The following DIP2C variants were observed in gnomAD, a reference collection of about 807,000 sequenced individuals.
DIP2C encodes disco-interacting protein 2 homolog C.
Under a neutral mutation model 192.4 loss-of-function variants are expected in DIP2C, and 33 were observed. The observed-to-expected ratio is 0.17, with a 90% CI of 0.13 to 0.23. DIP2C has a LOEUF of 0.23. Among genes scored for constraint, DIP2C ranks in the 10% least tolerant of loss-of-function variants. The pLI is 1.00. For synonymous variants in DIP2C, 979 were observed against 864.1 expected, an observed-to-expected ratio of 1.13 and a Z score of -2.33; for missense variants, 1,537 against 2,110.1, an observed-to-expected ratio of 0.73 and a Z score of 5.32.
intron 1 of DIP2C, among the ~76,000 whole-genome samples, chr10:570,369 T>C (rs4881486): frequency 0.043 from 6,511 of 152,278 alleles, 208 homozygotes; most frequent in Non-Finnish European, 0.066. Flanking sequence ...CACAAAGGCC[T>C]GGGCATGACC....
At chr10:353,484 G>C (rs1958921633) in intron 24 of DIP2C, among the ~76,000 whole-genome samples, 1 of 151,976 alleles carries the variant, frequency 6.6e-6, no homozygotes, top group Non-Finnish European at 1.5e-5. Context: ...TGCTTCCCGG[G>C]TTCAAGCGAC....
intron 1 of DIP2C, among the ~76,000 whole-genome samples, chr10:647,700 C>T (rs1246949902): frequency 6.7e-6 from 1 of 149,274 alleles, no homozygotes; most frequent in African/African-American, 2.5e-5. Context: ...AAACTGAGCC[C>T]ACGTCCACAC....
Position 534,665 on chromosome 10 carries a change from A to T in DIP2C, c.86-48135T>A, listed in dbSNP as rs908898430. Among the ~76,000 whole-genome samples, 9 of 123,834 alleles carry T rather than the reference A, an allele frequency of 7.3e-5. No homozygotes were observed. In the East Asian group the frequency reaches 1.5e-3, roughly 20 times the overall value. The allele number at this position is 123,834 out of a possible 152,430, so 81.2% of individuals were successfully genotyped here. On this transcript the variant is annotated intron_variant, in intron 1 of 36. Transcript: ENST00000280886. ...TCTTACAGTGTTTGTCTGCTGGATG[A>T]TTATTATTTTTTTTTTTTTTTTGAG...
chr10:566,744 G>A (rs952124364), intron 1 of DIP2C, among the ~76,000 whole-genome samples: 4 of 152,236 alleles, frequency 2.6e-5, no homozygotes, highest in Non-Finnish European at 2.9e-5. Flanking sequence ...GGGTACAGCC[G>A]TGGCCCACGA....
chr10:298,590 A>G (rs1370354218), intron 32 of DIP2C, among the ~76,000 whole-genome samples: 1 of 152,168 alleles, frequency 6.6e-6, no homozygotes, highest in African/African-American at 2.4e-5. Context: ...CTGGGTGACC[A>G]AGCCCATGCC....
At chr10:293,512 A>G (rs1487766691) in intron 32 of DIP2C, among the ~76,000 whole-genome samples, 1 of 152,228 alleles carries the variant, frequency 6.6e-6, no homozygotes, top group Non-Finnish European at 1.5e-5. Flanking sequence ...TCTGAACAAT[A>G]AGCTTTTAAA....
Position 363,118 on chromosome 10 carries a change from G to A in DIP2C, c.2592+79C>T. On this transcript the variant is annotated intron_variant, in intron 21 of 36. Transcript: ENST00000280886. The surrounding 1 kb of genome is among the most constrained non-coding windows in gnomAD (Gnocchi z 5.4). ...CACCCCATGGGCAAAGCAACAGCTG[G>A]TCACACCATGATCTGAATGAAGTAA... is the stretch of plus-strand genomic sequence containing the variant. 2.3e-6 allele frequency: 3 copies of A among 1,314,768 alleles called. No homozygotes were observed. Among genetic ancestry groups the A allele is most frequent in the Non-Finnish European group, 3.2e-6 (3 of 937,872 alleles). The allele number at this position is 1,314,768 out of a possible 1,614,324, so 81.4% of individuals were successfully genotyped here.
chr10:490,624 A>G (rs554842511), intron 1 of DIP2C, among the ~76,000 whole-genome samples: 1 of 152,338 alleles, frequency 6.6e-6, no homozygotes, highest in East Asian at 1.9e-4. Flanking sequence ...TCCAAACAGC[A>G]TATTTTCCTG....
chr10:404,859 C>T (rs544472445), intron 9 of DIP2C, among the ~76,000 whole-genome samples: 8 of 152,254 alleles, frequency 5.3e-5, no homozygotes, highest in Non-Finnish European at 7.4e-5. Flanking sequence ...TCAAACTATC[C>T]GAGGTTTACA....
intron 1 of DIP2C, among the ~76,000 whole-genome samples, chr10:687,337 A>T (rs1007441611): frequency 6.6e-6 from 1 of 152,190 alleles, no homozygotes; most frequent in Non-Finnish European, 1.5e-5. Context: ...CTACCCCCAT[A>T]AACTCAACCT....
intron 3 of DIP2C, among the ~76,000 whole-genome samples, chr10:446,642 T>C (rs746073471): frequency 6.6e-6 from 1 of 152,136 alleles, no homozygotes; most frequent in Non-Finnish European, 1.5e-5. Flanking sequence ...ATGGCCATGA[T>C]CCCCTGACAC....
At chr10:624,483 A>G (rs1854073768) in intron 1 of DIP2C, among the ~76,000 whole-genome samples, 1 of 152,240 alleles carries the variant, frequency 6.6e-6, no homozygotes, top group African/African-American at 2.4e-5. Context: ...AGAGGCACAC[A>G]GCACCAGAAC....
intron 1 of DIP2C, among the ~76,000 whole-genome samples, chr10:521,555 G>A (rs924712797): frequency 6.6e-6 from 1 of 152,174 alleles, no homozygotes; most frequent in Non-Finnish European, 1.5e-5. Flanking sequence ...GCACCTGTAA[G>A]GGGAGAAGCC....
chr10:583,613 C>T (rs967581446), intron 1 of DIP2C, among the ~76,000 whole-genome samples: 1 of 152,208 alleles, frequency 6.6e-6, no homozygotes, highest in East Asian at 1.9e-4. Flanking sequence ...CTGCACTGCC[C>T]GGGGCTGCTC....
intron 22 of DIP2C, among the ~76,000 whole-genome samples, 192 bp downstream of exon 22, chr10:362,298 A>C (rs950530546): frequency 6.6e-6 from 1 of 152,214 alleles, no homozygotes; most frequent in Non-Finnish European, 1.5e-5. Flanking sequence ...AGAGAATAAA[A>C]GCAAGGCATT....
At chr10:522,439 A>T (rs978364431) in intron 1 of DIP2C, among the ~76,000 whole-genome samples, 4 of 152,240 alleles carry the variant, frequency 2.6e-5, no homozygotes, top group African/African-American at 9.6e-5. Flanking sequence ...AATGTCCAGG[A>T]CTGTGGTTGC....
rs563233259 is a variant in DIP2C at position 605,219 on chromosome 10, C to G, written c.85+84275G>C. On this transcript the variant is annotated intron_variant, in intron 1 of 36. Coordinates refer to ENST00000280886, the MANE Select transcript of DIP2C (RefSeq NM_014974.3). The stretch of plus-strand genomic sequence containing the variant: ...CTCAGAACCTTCTAGATGAAAGCAA[C>G]GTGTTCCTTTTAAAATGGGGAACGG... Among the ~76,000 whole-genome samples the G allele has an allele frequency of 8.5e-5, 13 of 152,314 alleles. No individual in the cohort carries two copies. The South Asian group carries it at 2.3e-3, about 27-fold the overall frequency.
chr10:521,159 C>T (rs1207506951), intron 1 of DIP2C, among the ~76,000 whole-genome samples: 1 of 152,134 alleles, frequency 6.6e-6, no homozygotes, highest in Non-Finnish European at 1.5e-5. Context: ...TTAACTTTTA[C>T]AGGTAAATCA....
intron 32 of DIP2C, among the ~76,000 whole-genome samples, chr10:298,357 A>G: frequency 6.6e-6 from 1 of 152,258 alleles, no homozygotes; most frequent in East Asian, 1.9e-4. Context: ...TTTAGAGATG[A>G]GCGCCCTTCC....
Sources: allele counts gnomAD v4.1 joint callset (sites outside exome capture counted in the v4.1 genomes callset), GRCh38; gene constraint gnomAD v4.1.1; non-coding constraint Gnocchi (gnomAD v3.1); transcripts MANE v1.5; gene names NCBI Gene and HGNC (gene_info 2026-07-23, HGNC 2026-07-21).